KNDC1: variants seen among roughly 807,000 people sequenced by gnomAD.
KNDC1 encodes the protein kinase non-catalytic C-lobe domain-containing protein 1.
A neutral mutation model predicts 172.8 loss-of-function variants in KNDC1; 106 were observed. The observed-to-expected ratio is 0.61, with a 90% CI of 0.52 to 0.72. The LOEUF (loss-of-function observed/expected upper bound fraction) is 0.72. KNDC1 is among the 30% of genes least tolerant of loss of function. KNDC1 has a pLI of 0.00. For missense variants in KNDC1, 2,325 were observed against 2,394.5 expected (o/e 0.97, Z 0.61); for synonymous variants, 1,083 against 1,062.2 (o/e 1.02, Z -0.38).
At position 133,186,139 on chromosome 10, in the gene KNDC1, C is replaced by A. The variant is rs1445857192; in HGVS notation, c.791C>A (p.Ser264Tyr). Residue 264 changes from serine (S) to tyrosine (Y), a missense_variant, in exon 6 of 30, where the codon TCC (serine) becomes TAC (tyrosine). Ser to Tyr is a moderately radical substitution (Grantham distance 144, BLOSUM62 -2). Coordinates refer to ENST00000304613, the MANE Select transcript of KNDC1 (RefSeq NM_152643.8). ...PRASPTKALLSTPVRNGESHS... is the reference protein window; with the variant it reads ...PRASPTKALLYTPVRNGESHS... Reference sequence around the variant, plus strand: ...GCCTCCCCAACCAAGGCTCTGCTGTCCACCCCGGTGAGAAATGGCGAGAGC... The same window carrying A: ...GCCTCCCCAACCAAGGCTCTGCTGTACACCCCGGTGAGAAATGGCGAGAGC... The A allele has an allele frequency of 6.3e-7, 1 of 1,593,598 alleles. No individual in the cohort carries two copies. Among genetic ancestry groups the A allele is most frequent in the Admixed American group, 1.7e-5 (1 of 57,614 alleles).
rs747871421 is a variant in KNDC1 at position 133,183,359 on chromosome 10, C to T, written c.376C>T (p.Leu126=). The T allele has an allele frequency of 2.6e-5, 41 of 1,596,606 alleles. No individual in the cohort carries two copies. The South Asian group carries it at 4.3e-4, about 17-fold the overall frequency. Residue 126 remains leucine, a synonymous_variant, in exon 4 of 30, where the codon CTG becomes TTG. Transcript: ENST00000304613. ...GTGCCCACAGGCGCACATCTACTCTCTGGGGGCCACGCTGAAGGCCGCCCT... is the reference window on the plus strand; with the variant it reads ...GTGCCCACAGGCGCACATCTACTCTTTGGGGGCCACGCTGAAGGCCGCCCT... The part of the protein sequence containing the change: ...GNTFEAHIYS[L]GATLKAALEY...
chr10:133,186,068 G>A lies in KNDC1; in HGVS notation c.720G>A (p.Leu240=), dbSNP rs1201758979. The change falls in exon 6 of 30, where the codon CTG becomes CTA. Residue 240 remains leucine (L), a synonymous_variant. Coordinates refer to ENST00000304613, the MANE Select transcript of KNDC1 (RefSeq NM_152643.8). The stretch of plus-strand genomic sequence containing the variant: ...ACCCCAGCACTGACCCGGAGGTTCT[G>A]CCGACCCCCGAAGGCCCGGAGTCTG... ...PGDPSTDPEV[L]PTPEGPESET... 2 of 1,598,440 alleles carry A rather than the reference G, an allele frequency of 1.3e-6. No individual in the cohort carries two copies. Among genetic ancestry groups the A allele is most frequent in the Non-Finnish European group, 8.5e-7 (1 of 1,173,760 alleles).
At position 133,188,401 on chromosome 10, in the gene KNDC1, C is replaced by A. The variant is rs10400120; in HGVS notation, c.1327-138C>A. 2.3e-4 allele frequency: 139 copies of A among 607,450 alleles called. No homozygotes were observed. In the African/African-American group the frequency reaches 2.5e-3, roughly 11 times the overall value. 37.6% of individuals were successfully genotyped at this position (607,450 alleles called of 1,614,324 possible). ...GGAGTTGACTTAGGGACCTCCCTAG[C>A]CCTTCTATCAGGTGTGGGGGGCGCC... is the stretch of plus-strand genomic sequence containing the variant. On this transcript the variant is annotated intron_variant, in intron 6 of 29. Transcript: ENST00000304613.
rs186191169 is a variant in KNDC1, at chr10:133,191,657, A to G, written c.1575+1844A>G. Among the ~76,000 whole-genome samples, 640 of 151,974 alleles carry G rather than the reference A, an allele frequency of 4.2e-3. 3 individuals are homozygous for G. Among genetic ancestry groups the G allele is most frequent in the Middle Eastern group, 0.024 (7 of 294 alleles). ...AGAGGTTGCAGTGAGCAAAGATGGT[A>G]CCACTGCACTCCAGCCTGGTTGACA... On this transcript the variant is annotated intron_variant, in intron 9 of 29. Coordinates refer to ENST00000304613, the MANE Select transcript of KNDC1 (RefSeq NM_152643.8).
chr10:133,200,401 T>C lies in KNDC1; in HGVS notation c.2930T>C (p.Leu977Pro). 2 of 1,597,548 alleles carry C rather than the reference T, an allele frequency of 1.3e-6. No homozygotes were observed. The highest frequency in any genetic ancestry group is 1.7e-5 in the Admixed American group (1 of 58,694). Reference sequence around the variant, plus strand: ...ACGGCCGAGGAGGCTGGGTCACAGCTCGAGGGCAGCCAAAGCCCCCGCTCC... The same window carrying C: ...ACGGCCGAGGAGGCTGGGTCACAGCCCGAGGGCAGCCAAAGCCCCCGCTCC... ...PSTAEEAGSQLEGSQSPRSPS... is the reference protein window; with the variant it reads ...PSTAEEAGSQPEGSQSPRSPS... Residue 977 changes from leucine to proline, a missense_variant, in exon 16 of 30, where the codon CTC becomes CCC. Physicochemically the swap from Leu to Pro is moderately conservative, Grantham distance 98 (BLOSUM62 -3). Coordinates refer to ENST00000304613, the MANE Select transcript of KNDC1 (RefSeq NM_152643.8).
At chr10:133,180,757 G>A (rs576466096) in intron 3 of KNDC1, among the ~76,000 whole-genome samples, 11 of 152,250 alleles carry the variant, frequency 7.2e-5, no homozygotes, top group Admixed American at 2.6e-4. Context: ...GCGCAGGGGC[G>A]CTCGGCAGTC....
intron 26 of KNDC1, among the ~76,000 whole-genome samples, chr10:133,216,658 C>T (rs140022726): frequency 1.7e-3 from 257 of 151,852 alleles, no homozygotes; most frequent in Middle Eastern, 3.4e-3. Flanking sequence ...GACGACGGTG[C>T]GAGACCCTAT....
chr10:133,167,348 T>C, intron 1 of KNDC1, 33 bp from the exon 2 acceptor site: 1 of 1,535,398 alleles, frequency 6.5e-7, no homozygotes. Flanking sequence ...CTGGGGGTCC[T>C]GCCGGGCTCA....
At position 133,160,413 on chromosome 10, in the gene KNDC1, A is replaced by G. The variant is rs1341109676; in HGVS notation, c.-55A>G. ...CATGGAGCCAGGGCGCGCGTAGCCG[A>G]GCCCAGCCCAGCCCAGCCGGAGGCC... On this transcript the variant is annotated 5_prime_UTR_variant, in exon 1 of 30. Coordinates refer to ENST00000304613, the MANE Select transcript of KNDC1 (RefSeq NM_152643.8). The G allele has an allele frequency of 8.9e-7, 1 of 1,125,542 alleles. No individual in the cohort carries two copies. Among genetic ancestry groups the G allele is most frequent in the Admixed American group, 4.0e-5 (1 of 25,234 alleles). The allele number at this position is 1,125,542 out of a possible 1,614,324, so 69.7% of individuals were successfully genotyped here. A position where few individuals can be genotyped will look rare whatever the true frequency, so the allele number is the denominator to read the frequency against.
intron 1 of KNDC1, among the ~76,000 whole-genome samples, chr10:133,165,397 C>A (rs1853117257): frequency 6.6e-6 from 1 of 152,186 alleles, no homozygotes; most frequent in African/African-American, 2.4e-5. Flanking sequence ...CTTCCCGGGT[C>A]CACGTGTCTC....
Position 133,201,887 on chromosome 10 carries a change from G to A in KNDC1, c.3376G>A (p.Ala1126Thr), listed in dbSNP as rs199954114. The A allele has an allele frequency of 8.7e-5, 128 of 1,469,084 alleles. No homozygotes were observed. The highest frequency in any genetic ancestry group is 7.5e-4 in the African/African-American group (53 of 70,552). The allele number at this position is 1,469,084 out of a possible 1,614,324, so 91.0% of individuals were successfully genotyped here. A position where few individuals can be genotyped will look rare whatever the true frequency, so the allele number is the denominator to read the frequency against. ...RQQADGALPD[A>T]QSPELEQQLM... The stretch of plus-strand genomic sequence containing the variant: ...GCAGGCGGACGGGGCCCTGCCCGAC[G>A]CCCAGAGCCCGGTGAGTCCCAGGCC... Residue 1126 changes from alanine to threonine, a missense_variant, in exon 17 of 30, where the codon GCC becomes ACC. Coordinates refer to ENST00000304613, the MANE Select transcript of KNDC1 (RefSeq NM_152643.8).
chr10:133,178,118 GGT>G (rs1377707066), intron 3 of KNDC1, among the ~76,000 whole-genome samples: 17 of 150,382 alleles, frequency 1.1e-4, no homozygotes, highest in Admixed American at 2.7e-4. Flanking sequence ...GCATGTGTGT[GGT>G]GTGTGTGCAT....
intron 9 of KNDC1, among the ~76,000 whole-genome samples, chr10:133,191,437 C>T (rs1313139171): frequency 6.6e-6 from 1 of 151,890 alleles, no homozygotes; most frequent in Non-Finnish European, 1.5e-5. Flanking sequence ...TGGTGGCTCA[C>T]ACCTGTAATC....
intron 7 of KNDC1, 39 bp downstream of exon 7, chr10:133,188,692 C>G: frequency 9.5e-7 from 1 of 1,057,926 alleles, no homozygotes; most frequent in Non-Finnish European, 1.3e-6. Flanking sequence ...GCCGTCCCCA[C>G]CCCCCACTGC....
At chr10:133,177,337 G>C (rs760051471) in intron 3 of KNDC1, among the ~76,000 whole-genome samples, 25 of 152,192 alleles carry the variant, frequency 1.6e-4, no homozygotes, top group African/African-American at 6.0e-4. Context: ...TGTCATGCCC[G>C]TGTGTACATG....
intron 3 of KNDC1, among the ~76,000 whole-genome samples, chr10:133,182,760 C>T (rs1853754040): frequency 1.3e-5 from 2 of 152,376 alleles, no homozygotes; most frequent in South Asian, 2.1e-4. Flanking sequence ...GTCTGTGTCC[C>T]TCCAGAAAGC....
intron 29 of KNDC1, among the ~76,000 whole-genome samples, chr10:133,220,792 G>A (rs1244358208): frequency 6.8e-6 from 1 of 147,298 alleles, no homozygotes; most frequent in African/African-American, 2.5e-5. Context: ...CAGGAGACGA[G>A]GGGCTCAGGC....
Position 133,185,991 on chromosome 10 carries a change from T to C in KNDC1, c.643T>C (p.Trp215Arg). The change falls in exon 6 of 30, where the codon TGG becomes CGG. Residue 215 changes from tryptophan to arginine, a missense_variant. Transcript: ENST00000304613. Reference protein sequence around the residue: ...GALQDVSESSWRERPAPGNAG... With the variant: ...GALQDVSESSRRERPAPGNAG... ...GTGCCCAGATGTCAGCGAGAGCAGC[T>C]GGCGGGAGAGACCTGCCCCAGGAAA... The C allele has an allele frequency of 7.0e-7, 1 of 1,436,038 alleles. No individual in the cohort carries two copies. The highest frequency in any genetic ancestry group is 9.3e-7 in the Non-Finnish European group (1 of 1,078,534). The allele number at this position is 1,436,038 out of a possible 1,614,324, so 89.0% of individuals were successfully genotyped here. A position where few individuals can be genotyped will look rare whatever the true frequency, so the allele number is the denominator to read the frequency against.
intron 3 of KNDC1, among the ~76,000 whole-genome samples, chr10:133,180,382 G>A (rs1853681225): frequency 6.6e-6 from 1 of 152,248 alleles, no homozygotes. Flanking sequence ...CCGCGGCCAT[G>A]CAGAGACCTG....
Sources: gnomAD v4.1 joint callset for allele counts (sites outside exome capture counted in the v4.1 genomes callset) on GRCh38, gnomAD v4.1.1 for gene constraint, MANE v1.5 for transcripts, NCBI Gene and HGNC (gene_info 2026-07-23, HGNC 2026-07-21) for gene names.